The following TCERG1L variants were observed in gnomAD, a reference collection of about 807,000 sequenced individuals.
TCERG1L encodes the protein transcription elongation regulator 1-like protein.
A neutral mutation model predicts 56.3 loss-of-function variants in TCERG1L; 37 were observed. That is an observed-to-expected ratio of 0.66 (90% CI 0.51 to 0.87). The LOEUF is 0.87. Among genes scored for constraint, TCERG1L ranks in the 40% least tolerant of loss-of-function variants. The pLI, the probability that TCERG1L is intolerant of heterozygous loss-of-function variation, is 0.00. For synonymous variants in TCERG1L, 324 were observed against 326.3 expected (o/e 0.99, Z 0.08); for missense variants, 799 against 774.2 (o/e 1.03, Z -0.38).
chr10:131,158,052 G>C (rs1352901233), intron 6 of TCERG1L, among the ~76,000 whole-genome samples: 3 of 152,228 alleles, frequency 2.0e-5, no homozygotes, highest in Non-Finnish European at 4.4e-5. Context: ...TGCTTTCAAG[G>C]AGGCCCTGCG....
At chr10:131,140,369 C>A (rs2133409586) in intron 7 of TCERG1L, among the ~76,000 whole-genome samples, 1 of 152,260 alleles carries the variant, frequency 6.6e-6, no homozygotes, top group South Asian at 2.1e-4. Flanking sequence ...TCTGATGGGG[C>A]CTCCTGCTCC....
intron 4 of TCERG1L, among the ~76,000 whole-genome samples, chr10:131,211,775 A>G (rs1845623379): frequency 6.6e-6 from 1 of 152,204 alleles, no homozygotes. Context: ...CCAGAGCACC[A>G]GGCCTGCCGG....
At chr10:131,287,240 G>C (rs929297013) in intron 3 of TCERG1L, among the ~76,000 whole-genome samples, 4 of 152,174 alleles carry the variant, frequency 2.6e-5, no homozygotes, top group African/African-American at 4.8e-5. Flanking sequence ...AGATGCTAAA[G>C]TCCATAGTTG....
intron 4 of TCERG1L, among the ~76,000 whole-genome samples, chr10:131,245,410 A>AT (rs5789077): frequency 0.23 from 34,360 of 151,498 alleles, 4,587 homozygotes; most frequent in East Asian, 0.42. Context: ...TAAAATAATA[A>AT]TTTTTTTTTT....
chr10:131,308,492 T>TTGAACA (rs1209146083), intron 2 of TCERG1L, 101 bp from the exon 3 acceptor site: 2 of 965,058 alleles, frequency 2.1e-6, no homozygotes, highest in Non-Finnish European at 3.1e-6. Context: ...TGATCCAACA[T>TTGAACA]TGAACATTCT....
chr10:131,203,607 T>C (rs1329387022), intron 4 of TCERG1L, among the ~76,000 whole-genome samples: 1 of 152,200 alleles, frequency 6.6e-6, no homozygotes, highest in Non-Finnish European at 1.5e-5. Flanking sequence ...TGAATGTGGG[T>C]CACCGCAAAC....
chr10:131,269,775 G>T (rs1846320148), intron 3 of TCERG1L, among the ~76,000 whole-genome samples: 1 of 152,218 alleles, frequency 6.6e-6, no homozygotes, highest in Admixed American at 6.5e-5. Context: ...AGCACACGCT[G>T]CTGGGAAAAC....
intron 4 of TCERG1L, among the ~76,000 whole-genome samples, chr10:131,177,328 C>T (rs953182792): frequency 2.6e-5 from 4 of 152,270 alleles, no homozygotes; most frequent in East Asian, 1.9e-4. Flanking sequence ...CCTGTCACAG[C>T]GGATAAAGGC....
At chr10:131,156,251 T>C (rs1398153918) in intron 6 of TCERG1L, 2 of 152,210 alleles carry the variant, frequency 1.3e-5, no homozygotes, top group African/African-American at 2.4e-5. Flanking sequence ...AGAACATGAT[T>C]TTGATACTAG....
intron 4 of TCERG1L, among the ~76,000 whole-genome samples, chr10:131,238,595 C>T (rs972223094): frequency 6.6e-6 from 1 of 152,204 alleles, no homozygotes; most frequent in Non-Finnish European, 1.5e-5. Context: ...GGGAACCTTC[C>T]TCCATGTTCA....
chr10:131,117,165 G>C (rs895321530), intron 8 of TCERG1L, among the ~76,000 whole-genome samples: 3 of 152,100 alleles, frequency 2.0e-5, no homozygotes, highest in African/African-American at 7.2e-5. Context: ...CCCAGCCCCG[G>C]GCCCGGCTGT....
intron 10 of TCERG1L, among the ~76,000 whole-genome samples, chr10:131,099,021 A>T (rs1419006657): frequency 6.6e-6 from 1 of 152,186 alleles, no homozygotes; most frequent in African/African-American, 2.4e-5. Flanking sequence ...AGGGTGCATA[A>T]GTGGTCTCTT....
chr10:131,115,518 C>T (rs992158249), intron 9 of TCERG1L, among the ~76,000 whole-genome samples: 10 of 152,240 alleles, frequency 6.6e-5, no homozygotes, highest in African/African-American at 1.2e-4. Context: ...TCCACACGCG[C>T]GCGTCCACGT....
chr10:131,183,353 C>T (rs140398951), intron 4 of TCERG1L, among the ~76,000 whole-genome samples: 1 of 152,110 alleles, frequency 6.6e-6, no homozygotes, highest in Non-Finnish European at 1.5e-5. Flanking sequence ...CAAAGAGACC[C>T]TTTGTTGGGG....
chr10:131,221,742 A>T (rs1489504445), intron 4 of TCERG1L, among the ~76,000 whole-genome samples: 5 of 152,228 alleles, frequency 3.3e-5, no homozygotes, highest in Non-Finnish European at 7.3e-5. Flanking sequence ...ACAGCAGAGC[A>T]CGTCGTAATC....
chr10:131,211,267 C>A (rs12765849), intron 4 of TCERG1L, among the ~76,000 whole-genome samples: 10,884 of 152,296 alleles, frequency 0.071, 470 homozygotes, highest in Middle Eastern at 0.12. Flanking sequence ...CTGTCCCTGG[C>A]CTTCAGGCCC....
intron 6 of TCERG1L, among the ~76,000 whole-genome samples, chr10:131,156,468 C>G (rs1845924117): frequency 6.6e-6 from 1 of 152,062 alleles, no homozygotes; most frequent in Non-Finnish European, 1.5e-5. Flanking sequence ...TTTGAAAATA[C>G]AAAACAGCCC....
chr10:131,197,623 G>T (rs1011835832), intron 4 of TCERG1L, among the ~76,000 whole-genome samples: 4 of 152,144 alleles, frequency 2.6e-5, no homozygotes, highest in African/African-American at 9.7e-5. Context: ...TTATATCCCA[G>T]TCTTCACCAA....
At chr10:131,178,547 G>A (rs1845136580) in intron 4 of TCERG1L, among the ~76,000 whole-genome samples, 1 of 152,204 alleles carries the variant, frequency 6.6e-6, no homozygotes, top group Admixed American at 6.5e-5. Flanking sequence ...CTGTCTGTCT[G>A]TCTGTCCTCA....
Sources: allele counts gnomAD v4.1 joint callset (sites outside exome capture counted in the v4.1 genomes callset), GRCh38; gene constraint gnomAD v4.1.1; transcripts MANE v1.5; gene names NCBI Gene and HGNC (gene_info 2026-07-23, HGNC 2026-07-21).